The following NTAN1 variants were observed in gnomAD, a reference collection of about 807,000 sequenced individuals.
NTAN1 encodes the protein N-terminal asparagine amidase.
Under a neutral mutation model 41.9 loss-of-function variants are expected in NTAN1, and 32 were observed. That is an observed-to-expected ratio of 0.76 (90% CI 0.58 to 1.03). The LOEUF is 1.03. Among genes scored for constraint, NTAN1 ranks in the 50% least tolerant of loss-of-function variants. The pLI is 0.00. For synonymous variants in NTAN1, 140 were observed against 139.5 expected (o/e 1.00, Z -0.03); for missense variants, 377 against 377.5 (o/e 1.00, Z 0.01).
At chr16:15,055,522 C>T (rs561103043) in intron 1 of NTAN1, among the ~76,000 whole-genome samples, 1 of 152,358 alleles carries the variant, frequency 6.6e-6, no homozygotes, top group South Asian at 2.1e-4. Context: ...GGCTGCGGGT[C>T]CCCGAAGGCG....
At chr16:15,040,933 A>G in intron 7 of NTAN1, 135 bp downstream of exon 7, 1 of 695,322 alleles carries the variant, frequency 1.4e-6, no homozygotes, top group Non-Finnish European at 2.6e-6. Flanking sequence ...GCCTCACAGC[A>G]GATGTTCGGA....
chr16:15,042,481 C>T (rs929588103), intron 5 of NTAN1, among the ~76,000 whole-genome samples: 17 of 152,220 alleles, frequency 1.1e-4, no homozygotes, highest in African/African-American at 4.1e-4. Flanking sequence ...TGAGCCACTG[C>T]GCCCAGTCGA....
intron 7 of NTAN1, chr16:15,040,376 G>A: frequency 6.3e-6 from 2 of 318,486 alleles, no homozygotes; most frequent in Non-Finnish European, 1.1e-5. Flanking sequence ...CCCTACTGGT[G>A]TACGGCCAGG....
intron 5 of NTAN1, among the ~76,000 whole-genome samples, chr16:15,043,143 G>T (rs1329127432): frequency 1.3e-5 from 2 of 151,806 alleles, no homozygotes; most frequent in Non-Finnish European, 2.9e-5. Context: ...CAAGTGATCG[G>T]CCTGCCTTGA....
At position 15,044,524 on chromosome 16, in the gene NTAN1, G is replaced by A. The variant is rs1003379345; in HGVS notation, c.360-117C>T. 5 of 724,870 alleles carry A rather than the reference G, an allele frequency of 6.9e-6. No homozygotes were observed. In the South Asian group the frequency reaches 7.9e-5, roughly 11 times the overall value. The allele number at this position is 724,870 out of a possible 1,614,324, so 44.9% of individuals were successfully genotyped here. ...ACACTTGCTCTACAGCAGAGCTGCA[G>A]GTCATCTTCGTGCCACCGCAAAAGA... On this transcript the variant is annotated intron_variant, in intron 4 of 9. Transcript: ENST00000287706.
chr16:15,042,534 T>A (rs758046486), intron 5 of NTAN1, among the ~76,000 whole-genome samples: 1 of 152,156 alleles, frequency 6.6e-6, no homozygotes, highest in Non-Finnish European at 1.5e-5. Context: ...TATTTTCCCA[T>A]GTAATTCTCA....
At chr16:15,043,777 A>G (rs1490589069) in intron 5 of NTAN1, among the ~76,000 whole-genome samples, 2 of 152,002 alleles carry the variant, frequency 1.3e-5, no homozygotes, top group South Asian at 2.1e-4. Flanking sequence ...GTGAAACCCC[A>G]TTTCTACCAA....
chr16:15,054,033 C>T (rs149282862), intron 1 of NTAN1, among the ~76,000 whole-genome samples: 1 of 152,178 alleles, frequency 6.6e-6, no homozygotes, highest in African/African-American at 2.4e-5. Flanking sequence ...TACAATCCAC[C>T]CCTGTAAGGT....
At chr16:15,053,164 G>A (rs1221830298) in intron 1 of NTAN1, among the ~76,000 whole-genome samples, 1 of 152,212 alleles carries the variant, frequency 6.6e-6, no homozygotes, top group Non-Finnish European at 1.5e-5. Flanking sequence ...ATGGCTCGTG[G>A]CTACTGTACT....
chr16:15,052,858 CAGGAA>C (rs1430563061), intron 1 of NTAN1, among the ~76,000 whole-genome samples: 1 of 151,934 alleles, frequency 6.6e-6, no homozygotes, highest in Non-Finnish European at 1.5e-5. Context: ...ATAATAAAAG[CAGGAA>C]CTAAGCTACG....
At chr16:15,041,561 G>T in intron 6 of NTAN1, 62 bp downstream of exon 6, 1 of 1,169,374 alleles carries the variant, frequency 8.6e-7, no homozygotes, top group South Asian at 1.2e-5. Context: ...CCCACTGCAA[G>T]ACTGGGGACA....
intron 7 of NTAN1, 152 bp downstream of exon 7, chr16:15,040,916 G>C: frequency 1.5e-6 from 1 of 657,666 alleles, no homozygotes; most frequent in East Asian, 2.6e-5. Context: ...TAAGCTACTT[G>C]CCCAAGGCCT....
intron 4 of NTAN1, chr16:15,044,913 G>A (rs1440654009): frequency 6.5e-6 from 1 of 153,024 alleles, no homozygotes; most frequent in Admixed American, 6.5e-5. Context: ...TTGAGCTCAG[G>A]AGTTTGCAAC....
At chr16:15,046,786 A>G (rs1265715553) in intron 4 of NTAN1, among the ~76,000 whole-genome samples, 1 of 151,562 alleles carries the variant, frequency 6.6e-6, no homozygotes, top group Non-Finnish European at 1.5e-5. Flanking sequence ...GAGGTCGGAG[A>G]ATCACCTGAG....
intron 8 of NTAN1, among the ~76,000 whole-genome samples, chr16:15,039,645 C>A (rs915091975): frequency 1.3e-5 from 2 of 152,192 alleles, no homozygotes; most frequent in African/African-American, 4.8e-5. Flanking sequence ...TCTCCTGCGT[C>A]CCAGTTCTCC....
intron 1 of NTAN1, among the ~76,000 whole-genome samples, chr16:15,048,541 G>A (rs1221458090): frequency 6.6e-6 from 1 of 151,948 alleles, no homozygotes; most frequent in Non-Finnish European, 1.5e-5. Context: ...TTACTAAAGA[G>A]TGTGAGACTC....
At chr16:15,044,689 G>C (rs1275948543) in intron 4 of NTAN1, 10 of 498,786 alleles carry the variant, frequency 2.0e-5, no homozygotes, top group Non-Finnish European at 3.2e-5. Context: ...TGCTCTGGAA[G>C]AGCACAGGCA....
At chr16:15,055,822 G>C (rs368851607) in intron 1 of NTAN1, 69 bp downstream of exon 1, 3 of 840,024 alleles carry the variant, frequency 3.6e-6, no homozygotes. Context: ...GTCGCGTGAG[G>C]GGGGCGCTAG....
At chr16:15,048,390 G>GTTTA (rs2151717505) in intron 1 of NTAN1, among the ~76,000 whole-genome samples, 1 of 152,260 alleles carries the variant, frequency 6.6e-6, no homozygotes, top group African/African-American at 2.4e-5. Context: ...TTGTTTGTTT[G>GTTTA]TTTGTTTTTT....
Sources: gnomAD v4.1 joint callset for allele counts (sites outside exome capture counted in the v4.1 genomes callset) on GRCh38, gnomAD v4.1.1 for gene constraint, MANE v1.5 for transcripts, NCBI Gene and HGNC (gene_info 2026-07-23, HGNC 2026-07-21) for gene names.